The following VAV1 variants were observed in gnomAD, a reference collection of about 807,000 sequenced individuals.
The protein encoded by VAV1 is proto-oncogene vav.
A neutral mutation model predicts 128.1 loss-of-function variants in VAV1; 33 were observed. The ratio of observed to expected loss-of-function variants is 0.26; its 90% confidence interval spans 0.20 to 0.34. VAV1 has a LOEUF of 0.34. Among genes scored for constraint, VAV1 ranks in the 10% least tolerant of loss-of-function variants. The pLI is 1.00. For missense variants in VAV1, 715 were observed against 1,093.7 expected, an observed-to-expected ratio of 0.65 and a Z score of 4.88; for synonymous variants, 394 against 409.8, an observed-to-expected ratio of 0.96 and a Z score of 0.47.
Position 6,828,388 on chromosome 19 carries a change from C to T in VAV1, c.1024-31C>T, listed in dbSNP as rs1315028604. On this transcript the variant is annotated intron_variant, in intron 10 of 26. Coordinates refer to ENST00000602142, the MANE Select transcript of VAV1 (RefSeq NM_005428.4). The surrounding 1 kb of genome is among the most constrained non-coding windows in gnomAD (Gnocchi z 4.5). ...CCCCGCAGGGAGAAGGGGAGGGGCC[C>T]AGGTGACGTCTGACGTCTTGGTTCT... 6.2e-7 allele frequency: 1 copy of T among 1,613,652 alleles called. No individual in the cohort carries two copies. Among genetic ancestry groups the T allele is most frequent in the Non-Finnish European group, 8.5e-7 (1 of 1,179,860 alleles).
intron 1 of VAV1, among the ~76,000 whole-genome samples, chr19:6,814,667 C>CTTTCTTTCTTTCTTTCTTTCTTTCTTT (rs1568299138): frequency 5.2e-4 from 13 of 25,122 alleles, no homozygotes; most frequent in Middle Eastern, 0.023. Flanking sequence ...TTCCTTCCTT[C>CTTTCTTTCTTTCTTTCTTTCTTTCTTT]CTTCCTTTCT....
chr19:6,773,440 A>G (rs755075408), intron 1 of VAV1, among the ~76,000 whole-genome samples: 1 of 151,982 alleles, frequency 6.6e-6, no homozygotes, highest in African/African-American at 2.4e-5. Context: ...CTCCGCCAAC[A>G]TCTTCCCCCA....
chr19:6,776,520 TCATCCATCCATCCATC>T lies in VAV1; in HGVS notation c.204+3529_204+3544del, dbSNP rs367861307. Among the ~76,000 whole-genome samples, 38 of 63,056 alleles carry T rather than the reference TCATCCATCCATCCATC, an allele frequency of 6.0e-4. No individual in the cohort carries two copies. The South Asian group carries it at 0.028, about 47-fold the overall frequency. 41.4% of individuals were successfully genotyped at this position (63,056 alleles called of 152,430 possible). On this transcript the variant is annotated intron_variant, in intron 1 of 26. Transcript: ENST00000602142. The stretch of plus-strand genomic sequence containing the variant: ...TCCACTCATCTATCCATCCATCCTC[TCATCCATCCATCCATC>T]CATCCATCCATCCATCCATTCAACC...
At chr19:6,803,444 G>T (rs976582703) in intron 1 of VAV1, among the ~76,000 whole-genome samples, 2 of 152,144 alleles carry the variant, frequency 1.3e-5, no homozygotes, top group African/African-American at 4.8e-5. Context: ...AGGTGCTTCT[G>T]CTCCAGCCCT....
chr19:6,842,692 G>T (rs1599676132), intron 21 of VAV1, among the ~76,000 whole-genome samples: 2 of 151,980 alleles, frequency 1.3e-5, no homozygotes, highest in South Asian at 2.1e-4. Flanking sequence ...AAAAATTAGC[G>T]GGTGTGGTGG....
Position 6,856,907 on chromosome 19 carries a change from T to TGTAC in VAV1, c.2485-144_2485-141dup, listed in dbSNP as rs1972818588. The stretch of plus-strand genomic sequence containing the variant: ...GTGTGTGTGTGTGTGGTCAGCCTTG[T>TGTAC]GTACGTTGGGTGATGTGTTTTCTGG... On this transcript the variant is annotated intron_variant, in intron 26 of 26. Coordinates refer to ENST00000602142, the MANE Select transcript of VAV1 (RefSeq NM_005428.4). The TGTAC allele has an allele frequency of 5.9e-6, 4 of 672,438 alleles. No homozygotes were observed. The Admixed American group carries it at 7.2e-5, about 12-fold the overall frequency. The allele number at this position is 672,438 out of a possible 1,614,324, so 41.7% of individuals were successfully genotyped here.
chr19:6,788,108 A>C (rs1015463551), intron 1 of VAV1, among the ~76,000 whole-genome samples: 1 of 151,802 alleles, frequency 6.6e-6, no homozygotes, highest in African/African-American at 2.4e-5. Context: ...AAAACATTAA[A>C]ACATTCAATG....
intron 1 of VAV1, among the ~76,000 whole-genome samples, chr19:6,775,475 A>T (rs1970601199): frequency 6.6e-6 from 1 of 152,236 alleles, no homozygotes; most frequent in Non-Finnish European, 1.5e-5. Context: ...ACGGGAACCC[A>T]GATGGGGTCA....
In VAV1 at chr19:6,780,566, CTTTTTTCTTTT is replaced by C. The variant is rs1427495848; in HGVS notation, c.204+7562_204+7572del. The stretch of plus-strand genomic sequence containing the variant: ...AAAAGATTGCCTTCTCCTTTTCTTT[CTTTTTTCTTTT>C]TTTTTTTTTTTTGGGACGGAGTCTC... On this transcript the variant is annotated intron_variant, in intron 1 of 26. Transcript: ENST00000602142. Among the ~76,000 whole-genome samples, 4 of 140,850 alleles carry C rather than the reference CTTTTTTCTTTT, an allele frequency of 2.8e-5. No individual in the cohort carries two copies. The East Asian group carries it at 8.0e-4, about 28-fold the overall frequency. 92.4% of individuals were successfully genotyped at this position (140,850 alleles called of 152,430 possible).
At chr19:6,797,928 C>A (rs1971174962) in intron 1 of VAV1, among the ~76,000 whole-genome samples, 1 of 149,944 alleles carries the variant, frequency 6.7e-6, no homozygotes, top group African/African-American at 2.5e-5. Context: ...CAGCCAGTAT[C>A]CTGCTGACTT....
chr19:6,792,478 G>A (rs886624705), intron 1 of VAV1, among the ~76,000 whole-genome samples: 7 of 152,298 alleles, frequency 4.6e-5, no homozygotes, highest in Non-Finnish European at 7.4e-5. Flanking sequence ...GTAGTAGGAA[G>A]ACTAGGGGAG....
chr19:6,821,929 C>A, intron 4 of VAV1, 70 bp downstream of exon 4: 1 of 1,587,896 alleles, frequency 6.3e-7, no homozygotes, highest in Middle Eastern at 1.7e-4. Context: ...TGTGGGGGGA[C>A]ATGGCCTTGC....
At chr19:6,794,757 C>T (rs1971093424) in intron 1 of VAV1, among the ~76,000 whole-genome samples, 1 of 152,156 alleles carries the variant, frequency 6.6e-6, no homozygotes, top group Non-Finnish European at 1.5e-5. Flanking sequence ...TGAAACAAAC[C>T]ACTCCAAACT....
intron 22 of VAV1, 121 bp from the exon 23 acceptor site, chr19:6,847,877 G>T (rs2144822515): frequency 1.5e-5 from 13 of 890,660 alleles, no homozygotes; most frequent in Non-Finnish European, 1.9e-5. Flanking sequence ...GGCTGTTAGA[G>T]CCAGGCTGTC....
At chr19:6,836,126 G>A (rs529554969) in intron 19 of VAV1, 158 of 220,328 alleles carry the variant, frequency 7.2e-4, no homozygotes, top group Non-Finnish European at 1.3e-3. Flanking sequence ...TTCCTGCCTC[G>A]GCCTCCCAAA....
intron 1 of VAV1, among the ~76,000 whole-genome samples, chr19:6,813,732 A>C (rs1196857110): frequency 6.6e-6 from 1 of 152,116 alleles, no homozygotes; most frequent in Non-Finnish European, 1.5e-5. Context: ...CTATAGCTCA[A>C]TTTTGGAGAG....
chr19:6,821,705 C>A (rs776385547), intron 3 of VAV1, 25 bp downstream of exon 3: 1 of 1,614,024 alleles, frequency 6.2e-7, no homozygotes, highest in African/African-American at 1.3e-5. Context: ...GGGCCTTGGG[C>A]CATTTAGCCC....
At chr19:6,839,694 T>C (rs1031945207) in intron 21 of VAV1, among the ~76,000 whole-genome samples, 25 of 152,164 alleles carry the variant, frequency 1.6e-4, no homozygotes, top group African/African-American at 5.5e-4. Flanking sequence ...AAGTTAACAA[T>C]GTAACCTTTT....
In VAV1 at chr19:6,845,284, C is replaced by G. The variant is rs536768607; in HGVS notation, c.2012+2118C>G. On this transcript the variant is annotated intron_variant, in intron 22 of 26. Coordinates refer to ENST00000602142, the MANE Select transcript of VAV1 (RefSeq NM_005428.4). ...CCTGTAGTCCCAGCTACTCAGGAGG[C>G]TGAGGCAGGGGAATCGCTTGAACCT... 1.0e-3 allele frequency among the ~76,000 whole-genome samples: 155 copies of G among 152,266 alleles called. 1 individual carries two copies. Among genetic ancestry groups the G allele is most frequent in the Non-Finnish European group, 1.8e-3 (121 of 68,006 alleles).
Sources: gnomAD v4.1 joint callset for allele counts (sites outside exome capture counted in the v4.1 genomes callset) on GRCh38, gnomAD v4.1.1 for gene constraint, Gnocchi (gnomAD v3.1) non-coding constraint, MANE v1.5 for transcripts, NCBI Gene and HGNC (gene_info 2026-07-23, HGNC 2026-07-21) for gene names.